The following NAV1 variants were observed in gnomAD, a reference collection of about 807,000 sequenced individuals.
NAV1 encodes the protein pore membrane and/or filament interacting like protein 3.
A neutral mutation model predicts 175.2 loss-of-function variants in NAV1; 18 were observed. The ratio of observed to expected loss-of-function variants is 0.10; its 90% CI spans 0.07 to 0.15. The LOEUF (loss-of-function observed/expected upper bound fraction) is 0.15, where lower values mean the gene tolerates loss of function less well. NAV1 is among the 10% of genes least tolerant of loss of function. The pLI is 1.00. For missense variants in NAV1, 1,731 were observed against 2,436.6 expected (o/e 0.71, Z 6.10); for synonymous variants, 897 against 978.7 (o/e 0.92, Z 1.56).
intron 1 of NAV1, among the ~76,000 whole-genome samples, chr1:201,565,745 G>A (rs1025210281): frequency 6.6e-6 from 1 of 152,148 alleles, no homozygotes; most frequent in African/African-American, 2.4e-5. Context: ...CCCACCCCCT[G>A]CCTCTCTGGG....
At chr1:201,648,449 T>A (rs1415432965) in exon 1 of NAV1, 4 of 1,230,286 alleles carry the variant, frequency 3.3e-6, no homozygotes, top group Non-Finnish European at 4.0e-6. Context: ...CTTTCCTTTT[T>A]CCCGGCTTCC....
At chr1:201,791,642 C>T (rs991844891) in intron 13 of NAV1, 4 of 152,278 alleles carry the variant, frequency 2.6e-5, no homozygotes, top group African/African-American at 4.8e-5. Flanking sequence ...CCCTTCCTCT[C>T]TGGGGAACCC....
At chr1:201,683,329 C>G (rs77255329) in intron 1 of NAV1, among the ~76,000 whole-genome samples, 5 of 152,126 alleles carry the variant, frequency 3.3e-5, no homozygotes, top group African/African-American at 1.2e-4. Flanking sequence ...CCGGCGATCC[C>G]CACCCTTTTT....
At chr1:201,552,411 C>A (rs535033836) in intron 1 of NAV1, among the ~76,000 whole-genome samples, 1 of 152,108 alleles carries the variant, frequency 6.6e-6, no homozygotes, top group African/African-American at 2.4e-5. Context: ...CTTTCCCTTT[C>A]TCCTGCCCAC....
intron 10 of NAV1, 89 bp from the exon 15 acceptor site, chr1:201,789,651 C>A: frequency 8.1e-7 from 1 of 1,237,632 alleles, no homozygotes; most frequent in Non-Finnish European, 1.2e-6. Context: ...TCCAGAATCA[C>A]AATCCAAACT....
intron 1 of NAV1, among the ~76,000 whole-genome samples, chr1:201,656,774 A>G (rs545554080): frequency 2.0e-5 from 3 of 152,360 alleles, no homozygotes; most frequent in African/African-American, 7.2e-5. Flanking sequence ...ACAGCTGGGC[A>G]GGTTTAAAAG....
At chr1:201,743,974 T>C (rs1393591213) in intron 3 of NAV1, among the ~76,000 whole-genome samples, 2 of 152,194 alleles carry the variant, frequency 1.3e-5, no homozygotes, top group African/African-American at 4.8e-5. Context: ...AATGTGTGCC[T>C]CCCAGATTCA....
At chr1:201,621,454 C>T (rs1668169040), upstream of NAV1, among the ~76,000 whole-genome samples, 1 of 151,780 alleles carries the variant, frequency 6.6e-6, no homozygotes, top group African/African-American at 2.4e-5. Flanking sequence ...CTGCTTCAGC[C>T]TCCCAAGTAG....
rs578017250 is a variant in NAV1, at chr1:201,699,006, TAGA to T, written c.758-13804_758-13802del. Among the ~76,000 whole-genome samples, 49 of 152,338 alleles carry T rather than the reference TAGA, an allele frequency of 3.2e-4. 1 individual carries two copies. The South Asian group carries it at 9.1e-3, about 28-fold the overall frequency. On this transcript the variant is annotated intron_variant, in intron 1 of 29. Coordinates refer to ENST00000367296, the Ensembl canonical transcript of NAV1. The stretch of plus-strand genomic sequence containing the variant: ...AAGTGCGCCAAAGGCAAACACTTTA[TAGA>T]AGAAGAGCCAGTGATGGCACAAGAC...
chr1:201,770,178 G>C (rs1675481941), intron 3 of NAV1, among the ~76,000 whole-genome samples: 1 of 152,244 alleles, frequency 6.6e-6, no homozygotes, highest in South Asian at 2.1e-4. Flanking sequence ...AACTACGTTA[G>C]TGTTGGTGCT....
rs113062323 is a variant in NAV1 at position 201,707,671 on chromosome 1, G to A, written c.758-5146G>A. ...CCCTGTTCTGACACTGGAACAGAGA[G>A]AAAGACCCTTTTTACATCATCCTCA... On this transcript the variant is annotated intron_variant, in intron 1 of 29. Coordinates refer to ENST00000367296, the Ensembl canonical transcript of NAV1. Among the ~76,000 whole-genome samples the A allele has an allele frequency of 5.3e-3, 804 of 152,338 alleles. 14 individuals carry two copies. The highest frequency in any genetic ancestry group is 0.018 in the African/African-American group (763 of 41,568).
chr1:201,803,718 G>C lies in NAV1; in HGVS notation c.3639+4G>C. Reference sequence around the variant, plus strand: ...AAAGAAGAAAAAAAAGAGTTGGGTAGGTAAAGGTTTGGGGGGTGGGAAGTA... The same window carrying C: ...AAAGAAGAAAAAAAAGAGTTGGGTACGTAAAGGTTTGGGGGGTGGGAAGTA... On this transcript the variant is annotated splice_donor_region_variant and intron_variant, in intron 16 of 29. Coordinates refer to ENST00000367296, the Ensembl canonical transcript of NAV1. The C allele has an allele frequency of 6.7e-7, 1 of 1,482,564 alleles. No individual in the cohort carries two copies. 91.8% of individuals were successfully genotyped at this position (1,482,564 alleles called of 1,614,324 possible). A position where few individuals can be genotyped will look rare whatever the true frequency, so the allele number is the denominator to read the frequency against.
At chr1:201,631,218 C>T (rs1346452657) in intron 2 of NAV1, among the ~76,000 whole-genome samples, 1 of 152,206 alleles carries the variant, frequency 6.6e-6, no homozygotes, top group Non-Finnish European at 1.5e-5. Context: ...GGTGACCCAT[C>T]TCTGCCGAGG....
At chr1:201,587,276 AC>A (rs1372588886) in intron 1 of NAV1, among the ~76,000 whole-genome samples, 3 of 151,896 alleles carry the variant, frequency 2.0e-5, no homozygotes, top group Admixed American at 2.0e-4. Context: ...AAAAAAAAAA[AC>A]AGAAACCTTT....
intron 1 of NAV1, among the ~76,000 whole-genome samples, chr1:201,689,360 C>T (rs918909846): frequency 6.6e-6 from 1 of 152,180 alleles, no homozygotes; most frequent in African/African-American, 2.4e-5. Context: ...GGGGAAGTAG[C>T]TGGAAGGTGG....
chr1:201,660,938 A>G (rs1286866077), intron 1 of NAV1, among the ~76,000 whole-genome samples: 1 of 152,144 alleles, frequency 6.6e-6, no homozygotes, highest in African/African-American at 2.4e-5. Context: ...TGACTACTGT[A>G]AGGAAGTGTT....
upstream of NAV1, among the ~76,000 whole-genome samples, chr1:201,619,369 G>A (rs1323113559): frequency 6.6e-6 from 1 of 152,164 alleles, no homozygotes; most frequent in African/African-American, 2.4e-5. Context: ...CTTGGTTGGG[G>A]GTGGTTGTTG....
At chr1:201,616,019 T>A (rs114326496) in intron 2 of NAV1, among the ~76,000 whole-genome samples, 2,162 of 150,156 alleles carry the variant, frequency 0.014, 11 homozygotes, top group Non-Finnish European at 0.022. Flanking sequence ...TTTTTTTTTG[T>A]CTCTGTGATC....
At chr1:201,635,536 C>T (rs1347169320) in intron 2 of NAV1, among the ~76,000 whole-genome samples, 1 of 152,204 alleles carries the variant, frequency 6.6e-6, no homozygotes, top group African/African-American at 2.4e-5. Flanking sequence ...AGCCCCAGCT[C>T]TGGAATATGT....
Sources: allele counts gnomAD v4.1 joint callset (sites outside exome capture counted in the v4.1 genomes callset), GRCh38; gene constraint gnomAD v4.1.1; transcripts MANE v1.5; gene names NCBI Gene and HGNC (gene_info 2026-07-23, HGNC 2026-07-21).